COL4A1: variants seen among roughly 807,000 people sequenced by gnomAD.
COL4A1 encodes the protein collagen type IV alpha 1 chain, also known as collagen alpha-1(IV) chain.
A neutral mutation model predicts 216.6 loss-of-function variants in COL4A1; 40 were observed. The ratio of observed to expected loss-of-function variants is 0.18; its 90% confidence interval spans 0.14 to 0.24. The LOEUF is 0.24. Among genes scored for constraint, COL4A1 ranks in the 10% least tolerant of loss-of-function variants. COL4A1 has a pLI of 1.00. For synonymous variants in COL4A1, 839 were observed against 810.7 expected, an observed-to-expected ratio of 1.03 and a Z score of -0.59; for missense variants, 1,628 against 2,196.8, an observed-to-expected ratio of 0.74 and a Z score of 5.18.
Position 110,181,274 on chromosome 13 carries a change from G to A in COL4A1, c.2193+18C>T, listed in dbSNP as rs2139167465. On this transcript the variant is annotated intron_variant, in intron 29 of 51. Transcript: ENST00000375820. Reference sequence around the variant, plus strand: ...AGGATGGGGGAGAAGGGTCATGGAGGGAATGCTTGGCACTCACCTTCTGGC... The same window carrying A: ...AGGATGGGGGAGAAGGGTCATGGAGAGAATGCTTGGCACTCACCTTCTGGC... 6.2e-7 allele frequency: 1 copy of A among 1,610,158 alleles called. No individual in the cohort carries two copies. Among genetic ancestry groups the A allele is most frequent in the African/African-American group, 1.3e-5 (1 of 74,982 alleles).
intron 17 of COL4A1, 126 bp from the exon 18 acceptor site, chr13:110,203,733 CT>C (rs1879354522): frequency 9.9e-7 from 1 of 1,009,076 alleles, no homozygotes; most frequent in Non-Finnish European, 1.5e-6. Context: ...ATTTTTCTCT[CT>C]TTAATATCTC....
chr13:110,214,391 G>A (rs487334), intron 2 of COL4A1, among the ~76,000 whole-genome samples: 21,316 of 152,062 alleles, frequency 0.14, 1,828 homozygotes, highest in South Asian at 0.25. Flanking sequence ...CGCCTGGCCC[G>A]TGATGCCTAA....
rs1320080669 is a variant in COL4A1 at position 110,222,633 on chromosome 13, T to C, written c.145-8618A>G. Among the ~76,000 whole-genome samples, 6 of 145,758 alleles carry C rather than the reference T, an allele frequency of 4.1e-5. 1 individual carries two copies. Among genetic ancestry groups the C allele is most frequent in the African/African-American group, 9.9e-5 (4 of 40,280 alleles). On this transcript the variant is annotated intron_variant, in intron 2 of 51. Coordinates refer to ENST00000375820, the MANE Select transcript of COL4A1 (RefSeq NM_001845.6). ...CTAAAAATACAAAAAATTAGCCGGG[T>C]GTGGTGGCGGGCACCTGTAGTCCCA...
chr13:110,171,428 A>G (rs1340810695), intron 41 of COL4A1, among the ~76,000 whole-genome samples: 3 of 152,132 alleles, frequency 2.0e-5, no homozygotes, highest in African/African-American at 7.2e-5. Flanking sequence ...AGCCTTATCA[A>G]ATTGTCCACT....
chr13:110,240,483 C>T (rs932737519), intron 2 of COL4A1, among the ~76,000 whole-genome samples: 138 of 152,374 alleles, frequency 9.1e-4, no homozygotes, highest in African/African-American at 3.2e-3. Flanking sequence ...ACACAACTTC[C>T]ACGTGGCCCC....
chr13:110,234,139 T>C (rs1881192363), intron 2 of COL4A1, among the ~76,000 whole-genome samples: 1 of 152,232 alleles, frequency 6.6e-6, no homozygotes, highest in Non-Finnish European at 1.5e-5. Flanking sequence ...TCAGTTCTTT[T>C]AGCAACTCTG....
intron 1 of COL4A1, chr13:110,298,651 G>C (rs1343909508): frequency 2.6e-5 from 4 of 152,240 alleles, no homozygotes; most frequent in Non-Finnish European, 5.9e-5. Context: ...CGGTCGTTAA[G>C]AATTCCTCAC....
intron 18 of COL4A1, among the ~76,000 whole-genome samples, chr13:110,203,168 G>A (rs1879324438): frequency 1.3e-5 from 2 of 151,690 alleles, no homozygotes; most frequent in African/African-American, 2.4e-5. Context: ...AGCCAAGATC[G>A]CACCACTGCA....
intron 15 of COL4A1, 69 bp downstream of exon 15, chr13:110,206,596 T>G (rs1459779176): frequency 6.5e-7 from 1 of 1,542,186 alleles, no homozygotes; most frequent in African/African-American, 1.4e-5. Context: ...CTTGTGTTTC[T>G]GTGAATCTGC....
At chr13:110,194,562 C>G (rs1213472452) in intron 22 of COL4A1, among the ~76,000 whole-genome samples, 2 of 152,120 alleles carry the variant, frequency 1.3e-5, no homozygotes, top group African/African-American at 4.8e-5. Context: ...CTGGTTAATG[C>G]ATCAACGGTA....
intron 1 of COL4A1, among the ~76,000 whole-genome samples, chr13:110,244,448 G>T (rs1361050821): frequency 6.6e-6 from 1 of 152,166 alleles, no homozygotes; most frequent in Admixed American, 6.5e-5. Context: ...CATGTGCACA[G>T]ATTTGCTTCA....
chr13:110,261,238 G>A (rs1594099880), intron 1 of COL4A1, among the ~76,000 whole-genome samples: 1 of 152,094 alleles, frequency 6.6e-6, no homozygotes, highest in East Asian at 1.9e-4. Context: ...CCCACACACC[G>A]CCCTGGCGCA....
intron 21 of COL4A1, 75 bp downstream of exon 21, chr13:110,198,392 G>A: frequency 6.5e-7 from 1 of 1,547,424 alleles, no homozygotes; most frequent in Admixed American, 1.7e-5. Context: ...GACTATCACA[G>A]CCCCCAACCT....
intron 1 of COL4A1, 21 bp from the exon 2 acceptor site, chr13:110,242,755 C>G: frequency 6.2e-7 from 1 of 1,613,790 alleles, no homozygotes; most frequent in Non-Finnish European, 8.5e-7. Context: ...AAGAAAACTT[C>G]TTTAAATAGA....
chr13:110,285,809 A>G (rs12855875), intron 1 of COL4A1, among the ~76,000 whole-genome samples: 23,944 of 152,098 alleles, frequency 0.16, 2,190 homozygotes, highest in South Asian at 0.22. Flanking sequence ...TAGACAGCAC[A>G]CTGTGGGACC....
intron 2 of COL4A1, among the ~76,000 whole-genome samples, chr13:110,224,568 CA>C (rs1367387582): frequency 6.6e-6 from 1 of 152,206 alleles, no homozygotes; most frequent in Non-Finnish European, 1.5e-5. Context: ...GGTAATCCGC[CA>C]GCCTCGGCCT....
chr13:110,241,199 G>C (rs1316999482), intron 2 of COL4A1, among the ~76,000 whole-genome samples: 1 of 152,160 alleles, frequency 6.6e-6, no homozygotes, highest in Admixed American at 6.6e-5. Context: ...TATAGATGCG[G>C]ATAGAATAAG....
At chr13:110,216,650 A>G (rs1404611311) in intron 2 of COL4A1, among the ~76,000 whole-genome samples, 1 of 152,310 alleles carries the variant, frequency 6.6e-6, no homozygotes. Context: ...ACTGATTTCT[A>G]CAAGTTTCTC....
In COL4A1 at chr13:110,204,775, T is replaced by C. The variant is rs192260709; in HGVS notation, c.957+578A>G. On this transcript the variant is annotated intron_variant, in intron 17 of 51. Coordinates refer to ENST00000375820, the MANE Select transcript of COL4A1 (RefSeq NM_001845.6). ...AGTGTCTGACTGTGGACCCCAATAT[T>C]ACGCTTTTAGGAATTTGACAGAGAA... 1.9e-4 allele frequency among the ~76,000 whole-genome samples: 29 copies of C among 152,164 alleles called. 1 individual carries two copies. Among genetic ancestry groups the C allele is most frequent in the Admixed American group, 1.3e-3 (20 of 15,280 alleles).
Sources: allele counts gnomAD v4.1 joint callset (sites outside exome capture counted in the v4.1 genomes callset), GRCh38; gene constraint gnomAD v4.1.1; transcripts MANE v1.5; gene names NCBI Gene and HGNC (gene_info 2026-07-23, HGNC 2026-07-21).